The following VIL1 variants were observed in gnomAD, a reference collection of about 807,000 sequenced individuals.
VIL1 encodes the protein villin-1.
A neutral mutation model predicts 104.0 loss-of-function variants in VIL1; 86 were observed. The ratio of observed to expected loss-of-function variants is 0.83; its 90% CI spans 0.69 to 0.99. The LOEUF is 0.99. Ranked by LOEUF, VIL1 falls within the 50% of genes least tolerant of loss-of-function variation. VIL1 has a pLI of 0.00. For synonymous variants in VIL1, 394 were observed against 412.6 expected (o/e 0.95, Z 0.55); for missense variants, 944 against 1,054.1 (o/e 0.90, Z 1.45).
At chr2:218,426,768 A>AT (rs1222452304) in intron 4 of VIL1, among the ~76,000 whole-genome samples, 9 of 151,698 alleles carry the variant, frequency 5.9e-5, no homozygotes, top group Non-Finnish European at 8.8e-5. Flanking sequence ...CGTCCGGCTA[A>AT]TTTTTTTGTA....
At chr2:218,432,245 C>T (rs1689113409) in intron 12 of VIL1, 62 bp downstream of exon 12, 2 of 1,574,216 alleles carry the variant, frequency 1.3e-6, no homozygotes, top group Admixed American at 1.7e-5. Context: ...GTACATACTC[C>T]TGCTAAGTGG....
chr2:218,447,741 T>C (rs571333542), intron 19 of VIL1, among the ~76,000 whole-genome samples: 2 of 139,446 alleles, frequency 1.4e-5, no homozygotes, highest in East Asian at 5.1e-4. Flanking sequence ...CTTTGTTTTG[T>C]TTTTTTTTTG....
chr2:218,436,424 C>A, intron 15 of VIL1, 58 bp from the exon 16 acceptor site: 1 of 1,582,320 alleles, frequency 6.3e-7, no homozygotes, highest in Admixed American at 1.8e-5. Flanking sequence ...TCTGTGTCCT[C>A]AATTCTCCTT....
chr2:218,439,816 C>CAAA (rs35708356), intron 18 of VIL1, among the ~76,000 whole-genome samples: 136 of 50,940 alleles, frequency 2.7e-3, no homozygotes, highest in South Asian at 5.2e-3. Flanking sequence ...GACCCTGTCT[C>CAAA]AAAAAAAAAA....
In VIL1 at chr2:218,436,527, T is replaced by C; in HGVS notation, c.1872T>C (p.Cys624=). The part of the protein sequence containing the change: ...NLVITPRLFE[C]SNKTGRFLAT... ...TCATCACCCCCCGGCTCTTTGAGTGTTCCAACAAGACTGGGCGCTTCCTGG... is the reference window on the plus strand; with the variant it reads ...TCATCACCCCCCGGCTCTTTGAGTGCTCCAACAAGACTGGGCGCTTCCTGG... The change falls in exon 16 of 20, where the codon TGT becomes TGC. Residue 624 remains cysteine (C), a synonymous_variant. Transcript: ENST00000248444. 2 of 1,614,022 alleles carry C rather than the reference T, an allele frequency of 1.2e-6. No homozygotes were observed. The highest frequency in any genetic ancestry group is 1.7e-6 in the Non-Finnish European group (2 of 1,180,016).
chr2:218,422,580 C>T (rs547744897), intron 1 of VIL1, among the ~76,000 whole-genome samples: 2 of 152,284 alleles, frequency 1.3e-5, no homozygotes, highest in East Asian at 3.9e-4. Flanking sequence ...CTCTAGAACG[C>T]CAGGGAAGCA....
At position 218,428,040 on chromosome 2, in the gene VIL1, T is replaced by C. The variant is rs1689033896; in HGVS notation, c.423T>C (p.His141=). Reference sequence around the variant, plus strand: ...CCTATGACGTCCAGAGGCTGCTGCATGTCAAGGGCAAGAGGAACGTGGTAG... The same window carrying C: ...CCTATGACGTCCAGAGGCTGCTGCACGTCAAGGGCAAGAGGAACGTGGTAG... ...TNSYDVQRLL[H]VKGKRNVVAG... Residue 141 remains histidine (H), a synonymous_variant, in exon 5 of 20, where the codon CAT becomes CAC. Coordinates refer to ENST00000248444, the MANE Select transcript of VIL1 (RefSeq NM_007127.3). The C allele has an allele frequency of 6.2e-7, 1 of 1,613,914 alleles. No homozygotes were observed. Among genetic ancestry groups the C allele is most frequent in the Non-Finnish European group, 8.5e-7 (1 of 1,180,012 alleles).
intron 13 of VIL1, among the ~76,000 whole-genome samples, chr2:218,433,990 A>C (rs1574816399): frequency 6.6e-6 from 1 of 151,920 alleles, no homozygotes; most frequent in South Asian, 2.1e-4. Flanking sequence ...TGAGGTTGGG[A>C]GTTCGAGACC....
chr2:218,449,370 C>T lies in VIL1; in HGVS notation c.*34C>T. 1 of 1,527,966 alleles carries T rather than the reference C, an allele frequency of 6.5e-7. No individual in the cohort carries two copies. Among genetic ancestry groups the T allele is most frequent in the Non-Finnish European group, 9.1e-7 (1 of 1,102,270 alleles). The allele number at this position is 1,527,966 out of a possible 1,614,324, so 94.7% of individuals were successfully genotyped here. On this transcript the variant is annotated 3_prime_UTR_variant, in exon 20 of 20. Transcript: ENST00000248444. ...GCTGTGGTTGTAAAGCAGTACCCTA[C>T]CCTGATTGTAGGGTCTCATTTTCTC...
intron 10 of VIL1, among the ~76,000 whole-genome samples, chr2:218,431,552 G>A (rs1225895571): frequency 2.6e-5 from 4 of 152,032 alleles, no homozygotes; most frequent in South Asian, 2.1e-4. Flanking sequence ...TATTGAGCTG[G>A]GAGACAAGGT....
chr2:218,437,305 A>G lies in VIL1; in HGVS notation c.2153A>G (p.Lys718Arg), dbSNP rs1315503589. Residue 718 changes from lysine to arginine, a missense_variant, in exon 17 of 20, where the codon AAG (lysine) becomes AGG (arginine). Physicochemically the swap from Lys to Arg is conservative, Grantham distance 26 (BLOSUM62 2). Coordinates refer to ENST00000248444, the MANE Select transcript of VIL1 (RefSeq NM_007127.3). Reference sequence around the variant, plus strand: ...TGGTTCCTGGCTTGGGATCCCTTCAAGTGGAGTGTGAGTGGCCTCATCCCA... The same window carrying G: ...TGGTTCCTGGCTTGGGATCCCTTCAGGTGGAGTGTGAGTGGCCTCATCCCA... ...TGWFLAWDPFKWSNTKSYEDL... is the reference protein window; with the variant it reads ...TGWFLAWDPFRWSNTKSYEDL... The G allele has an allele frequency of 1.2e-6, 2 of 1,613,708 alleles. No homozygotes were observed. The highest frequency in any genetic ancestry group is 1.7e-6 in the Non-Finnish European group (2 of 1,179,896).
chr2:218,440,286 G>A (rs1426915831), intron 18 of VIL1, among the ~76,000 whole-genome samples: 7 of 152,028 alleles, frequency 4.6e-5, no homozygotes, highest in Non-Finnish European at 8.8e-5. Context: ...TGTTGTTGTT[G>A]TTTTGAGGAG....
intron 4 of VIL1, 86 bp downstream of exon 4, chr2:218,425,897 C>A (rs981431682): frequency 7.1e-7 from 1 of 1,416,862 alleles, no homozygotes; most frequent in Non-Finnish European, 9.6e-7. Flanking sequence ...GGCAGGGACA[C>A]CCAGACCTGT....
chr2:218,434,213 G>A (rs77781812), intron 13 of VIL1, among the ~76,000 whole-genome samples: 64 of 94,062 alleles, frequency 6.8e-4, no homozygotes, highest in Admixed American at 8.4e-4. Flanking sequence ...AAAAAAAAAA[G>A]CCTGGCAGAG....
chr2:218,432,607 G>T (rs1208347682), intron 12 of VIL1, 186 bp from the exon 13 acceptor site: 3 of 895,618 alleles, frequency 3.3e-6, no homozygotes, highest in Non-Finnish European at 5.3e-6. Context: ...TAGGTTTGAG[G>T]TTGAGATCAG....
At chr2:218,435,119 T>C (rs1689166553) in intron 14 of VIL1, among the ~76,000 whole-genome samples, 170 bp from the exon 15 acceptor site, 1 of 152,136 alleles carries the variant, frequency 6.6e-6, no homozygotes, top group African/African-American at 2.4e-5. Flanking sequence ...CTGCTATTCT[T>C]TGGAGTGTCA....
chr2:218,430,828 C>G lies in VIL1; in HGVS notation c.1052C>G (p.Ala351Gly), dbSNP rs765832052. Residue 351 changes from alanine to glycine, a missense_variant, in exon 10 of 20, where the codon GCG becomes GGG. Ala to Gly is a moderately conservative substitution (Grantham distance 60). Coordinates refer to ENST00000248444, the MANE Select transcript of VIL1 (RefSeq NM_007127.3). ...VFQQLFQKWT[A>G]SNRTSGLGKT... ...CAGCAGCTCTTCCAGAAGTGGACAG[C>G]GTCCAACCGGACCTCAGGCCTAGGC... is the stretch of plus-strand genomic sequence containing the variant. 2 of 1,613,978 alleles carry G rather than the reference C, an allele frequency of 1.2e-6. No individual in the cohort carries two copies. The highest frequency in any genetic ancestry group is 1.3e-5 in the African/African-American group (1 of 75,018).
chr2:218,428,311 G>A lies in VIL1; in HGVS notation c.541G>A (p.Glu181Lys). Reference sequence around the variant, plus strand: ...GCTTATCATCCAGTGGAATGGACCGGAAAGCACCCGTATGGAGAGACTCAG... The same window carrying A: ...GCTTATCATCCAGTGGAATGGACCGAAAAGCACCCGTATGGAGAGACTCAG... ...GKLIIQWNGP[E>K]STRMERLRGM... Residue 181 changes from glutamate to lysine, a missense_variant, in exon 6 of 20, where the codon GAA (glutamate) becomes AAA (lysine). By Grantham distance (56) the Glu-to-Lys change is moderately conservative (BLOSUM62 1). Transcript: ENST00000248444. 1.9e-6 allele frequency: 3 copies of A among 1,614,212 alleles called. No homozygotes were observed. Among genetic ancestry groups the A allele is most frequent in the Non-Finnish European group, 2.5e-6 (3 of 1,180,020 alleles).
chr2:218,437,891 T>G (rs982800010), intron 17 of VIL1, among the ~76,000 whole-genome samples: 2 of 152,146 alleles, frequency 1.3e-5, no homozygotes, highest in African/African-American at 4.8e-5. Context: ...ACAATGGAAC[T>G]CCAGCAAAGG....
Sources: gnomAD v4.1 joint callset for allele counts (sites outside exome capture counted in the v4.1 genomes callset) on GRCh38, gnomAD v4.1.1 for gene constraint, MANE v1.5 for transcripts, NCBI Gene and HGNC (gene_info 2026-07-23, HGNC 2026-07-21) for gene names.